Variants in KLHL1 observed in about 807,000 individuals in gnomAD.
KLHL1 encodes kelch-like protein 1.
In KLHL1, 47 loss-of-function variants were observed where a neutral mutation model predicts 77.7. That is an observed-to-expected ratio of 0.60 (90% CI 0.48 to 0.77). The LOEUF (loss-of-function observed/expected upper bound fraction) is 0.77, where lower values mean the gene tolerates loss of function less well. KLHL1 is among the 30% of genes least tolerant of loss of function. The probability of loss-of-function intolerance (pLI) is 0.00; values close to 1 mark genes in which losing one functional copy is unlikely to be tolerated. For synonymous variants in KLHL1, 360 were observed against 325.2 expected (o/e 1.11, Z -1.15); for missense variants, 925 against 910.8 (o/e 1.02, Z -0.20).
intron 3 of KLHL1, among the ~76,000 whole-genome samples, chr13:69,954,511 G>A (rs147457597): frequency 6.6e-6 from 1 of 151,340 alleles, no homozygotes; most frequent in East Asian, 1.9e-4. Flanking sequence ...GATTGTTTAA[G>A]GAAGTAAAGT....
chr13:69,729,411 T>C (rs1009803755), intron 8 of KLHL1, among the ~76,000 whole-genome samples: 1 of 152,162 alleles, frequency 6.6e-6, no homozygotes, highest in Non-Finnish European at 1.5e-5. Context: ...TAAGTGTTCA[T>C]TGTTTTTTAT....
chr13:69,813,605 T>C (rs1233768440), intron 6 of KLHL1, among the ~76,000 whole-genome samples: 1 of 151,786 alleles, frequency 6.6e-6, no homozygotes, highest in African/African-American at 2.4e-5. Flanking sequence ...TATATACAAA[T>C]AATGTTCAAG....
intron 9 of KLHL1, among the ~76,000 whole-genome samples, chr13:69,718,818 C>A (rs959086559): frequency 2.0e-5 from 3 of 152,030 alleles, no homozygotes; most frequent in African/African-American, 7.2e-5. Flanking sequence ...TATAAGAGAA[C>A]CTATGTTTCC....
chr13:69,923,566 T>C (rs956672206), intron 4 of KLHL1, among the ~76,000 whole-genome samples: 3 of 152,192 alleles, frequency 2.0e-5, no homozygotes, highest in Non-Finnish European at 2.9e-5. Flanking sequence ...ATGATTATTA[T>C]TACTACTATG....
At chr13:70,044,517 T>C (rs1886450662) in intron 1 of KLHL1, among the ~76,000 whole-genome samples, 1 of 152,122 alleles carries the variant, frequency 6.6e-6, no homozygotes, top group South Asian at 2.1e-4. Context: ...AACATTTTAA[T>C]GTTTTTTTTT....
At chr13:69,896,672 T>A (rs549399811) in intron 4 of KLHL1, among the ~76,000 whole-genome samples, 363 of 118,572 alleles carry the variant, frequency 3.1e-3, no homozygotes, top group African/African-American at 0.014. Flanking sequence ...GTATTAAAAT[T>A]TTTTTTTTTT....
intron 6 of KLHL1, among the ~76,000 whole-genome samples, chr13:69,833,800 TA>T (rs1878866908): frequency 9.1e-6 from 1 of 110,406 alleles, no homozygotes; most frequent in African/African-American, 3.8e-5. Flanking sequence ...TGTTGTGTTC[TA>T]TATATATATA....
intron 1 of KLHL1, among the ~76,000 whole-genome samples, chr13:70,011,934 G>C (rs1351021763): frequency 2.6e-5 from 4 of 152,146 alleles, no homozygotes; most frequent in African/African-American, 7.2e-5. Flanking sequence ...CAATCATGGT[G>C]GAAGGCAAGG....
chr13:70,026,578 G>A (rs7999467), intron 1 of KLHL1, among the ~76,000 whole-genome samples: 16,277 of 151,942 alleles, frequency 0.11, 1,048 homozygotes, highest in African/African-American at 0.18. Context: ...ATTTGGGTCC[G>A]TTCCCTCATG....
intron 1 of KLHL1, among the ~76,000 whole-genome samples, chr13:70,038,267 T>G (rs1697455258): frequency 6.6e-6 from 1 of 152,204 alleles, no homozygotes; most frequent in South Asian, 2.1e-4. Flanking sequence ...TGAGCATTAT[T>G]CTGTGGTAGC....
intron 1 of KLHL1, among the ~76,000 whole-genome samples, chr13:70,052,221 T>A (rs1886645261): frequency 6.6e-6 from 1 of 151,898 alleles, no homozygotes; most frequent in Non-Finnish European, 1.5e-5. Context: ...GTAATATGAG[T>A]TAGGTCTCCT....
intron 1 of KLHL1, among the ~76,000 whole-genome samples, chr13:70,032,432 G>A (rs1886126413): frequency 6.6e-6 from 1 of 151,882 alleles, no homozygotes; most frequent in African/African-American, 2.4e-5. Context: ...AAACAATGAC[G>A]GAGCAAATTG....
intron 1 of KLHL1, among the ~76,000 whole-genome samples, chr13:70,015,533 A>G (rs1162142642): frequency 6.6e-6 from 1 of 152,212 alleles, no homozygotes; most frequent in Non-Finnish European, 1.5e-5. Flanking sequence ...AGCAATGCAT[A>G]TTTAGCATAA....
At chr13:70,093,924 A>G (rs544900570) in intron 1 of KLHL1, among the ~76,000 whole-genome samples, 56 of 152,302 alleles carry the variant, frequency 3.7e-4, no homozygotes, top group Non-Finnish European at 7.4e-4. Flanking sequence ...TGAATAATTA[A>G]CCAAGTAAGA....
rs1042211372 is a variant in KLHL1, at chr13:70,107,273, G to A, written c.427C>T (p.Leu143=). 1 of 1,614,124 alleles carries A rather than the reference G, an allele frequency of 6.2e-7. No homozygotes were observed. The highest frequency in any genetic ancestry group is 2.2e-5 in the East Asian group (1 of 44,862). The change falls in exon 1 of 11, where the codon CTG becomes TTG. Residue 143 remains leucine, a synonymous_variant. Transcript: ENST00000377844. ...MDFPGPHEKG[L]VLQELKVEPD... is the part of the protein sequence containing the mutation. ...TCCACTTTGAGCTCTTGCAGAACCAGCCCTTTTTCGTGTGGTCCAGGAAAG... is the reference window on the plus strand; with the variant it reads ...TCCACTTTGAGCTCTTGCAGAACCAACCCTTTTTCGTGTGGTCCAGGAAAG...
intron 1 of KLHL1, among the ~76,000 whole-genome samples, chr13:70,030,745 G>A (rs1375334497): frequency 6.6e-6 from 1 of 152,100 alleles, no homozygotes; most frequent in Admixed American, 6.6e-5. Flanking sequence ...ACTAAGATCA[G>A]AGCAGAACTG....
intron 3 of KLHL1, among the ~76,000 whole-genome samples, chr13:69,941,602 C>A (rs1593971182): frequency 1.3e-5 from 2 of 151,872 alleles, no homozygotes; most frequent in Admixed American, 6.6e-5. Flanking sequence ...AAATAAATAA[C>A]AAAGATCAGA....
intron 1 of KLHL1, among the ~76,000 whole-genome samples, chr13:70,095,488 C>T (rs1887766678): frequency 6.6e-6 from 1 of 152,058 alleles, no homozygotes; most frequent in South Asian, 2.1e-4. Flanking sequence ...TGAGACTGGG[C>T]CAATTGCTTG....
chr13:69,864,929 AAT>A (rs1880314185), intron 5 of KLHL1, among the ~76,000 whole-genome samples: 1 of 152,038 alleles, frequency 6.6e-6, no homozygotes, highest in Non-Finnish European at 1.5e-5. Flanking sequence ...TAGGAAAGTG[AAT>A]CTTGAGTTTT....
Sources: gnomAD v4.1 joint callset for allele counts (sites outside exome capture counted in the v4.1 genomes callset) on GRCh38, gnomAD v4.1.1 for gene constraint, MANE v1.5 for transcripts, NCBI Gene and HGNC (gene_info 2026-07-23, HGNC 2026-07-21) for gene names.